DGKB: variants seen among roughly 807,000 people sequenced by gnomAD.
DGKB encodes diacylglycerol kinase beta.
A neutral mutation model predicts 114.3 loss-of-function variants in DGKB; 67 were observed. The observed-to-expected ratio is 0.59, with a 90% CI of 0.48 to 0.72. DGKB has a LOEUF of 0.72. DGKB is among the 30% of genes least tolerant of loss of function. The pLI is 0.00. For synonymous variants in DGKB, 398 were observed against 323.1 expected (o/e 1.23, Z -2.49); for missense variants, 907 against 975.2 (o/e 0.93, Z 0.93).
At chr7:14,757,631 G>A in intron 3 of DGKB, 24 bp downstream of exon 3, 2 of 1,378,544 alleles carry the variant, frequency 1.5e-6, no homozygotes, top group Non-Finnish European at 2.0e-6. Context: ...ATACGAAACT[G>A]ATATAAAGAA....
intron 15 of DGKB, among the ~76,000 whole-genome samples, chr7:14,619,132 T>C (rs777559007): frequency 2.0e-5 from 3 of 151,564 alleles, no homozygotes; most frequent in African/African-American, 4.8e-5. Flanking sequence ...TGCACATGAT[T>C]ATATACCAAC....
chr7:14,825,829 C>T (rs1310559302), intron 2 of DGKB, among the ~76,000 whole-genome samples: 1 of 152,098 alleles, frequency 6.6e-6, no homozygotes, highest in African/African-American at 2.4e-5. Context: ...ACTCTCTATG[C>T]AAAACAAAAC....
intron 6 of DGKB, among the ~76,000 whole-genome samples, chr7:14,707,371 C>A (rs1459192957): frequency 6.7e-6 from 1 of 148,882 alleles, no homozygotes; most frequent in Admixed American, 6.7e-5. Flanking sequence ...GATTCACAGC[C>A]GAATTCTACC....
intron 13 of DGKB, among the ~76,000 whole-genome samples, chr7:14,662,451 A>G (rs1357858): frequency 0.83 from 126,001 of 151,936 alleles, 52,363 homozygotes; most frequent in East Asian, 0.89. Flanking sequence ...TTTGTAGGAC[A>G]AAATAACACA....
At chr7:14,265,361 T>C (rs984506712) in intron 23 of DGKB, among the ~76,000 whole-genome samples, 1 of 143,074 alleles carries the variant, frequency 7.0e-6, no homozygotes, top group Non-Finnish European at 1.5e-5. Context: ...CATTCAGATA[T>C]TACCCATCTT....
chr7:14,231,090 T>TCTTC (rs1554297119), intron 23 of DGKB, among the ~76,000 whole-genome samples: 1 of 59,106 alleles, frequency 1.7e-5, no homozygotes, highest in African/African-American at 7.2e-5. Flanking sequence ...TCCCTTTCTT[T>TCTTC]CTTTCTTTCT....
At chr7:14,782,638 A>G (rs773092675) in intron 2 of DGKB, among the ~76,000 whole-genome samples, 2 of 152,172 alleles carry the variant, frequency 1.3e-5, no homozygotes, top group Non-Finnish European at 2.9e-5. Flanking sequence ...ATAGAGAATT[A>G]CAGGTGATGA....
At position 14,650,744 on chromosome 7, in the gene DGKB, C is replaced by T. The variant is rs796851086; in HGVS notation, c.1135-20476G>A. ...GAAAGGATCAACAAAATTGATAGAC[C>T]GCTAGCAAGACTAATAAAGAAAAAA... On this transcript the variant is annotated intron_variant, in intron 13 of 25. Coordinates refer to ENST00000402815, the MANE Select transcript of DGKB (RefSeq NM_001350709.2). 1.4e-3 allele frequency among the ~76,000 whole-genome samples: 177 copies of T among 130,018 alleles called. 1 individual carries two copies. The highest frequency in any genetic ancestry group is 2.7e-3 in the South Asian group (11 of 4,012). The allele number at this position is 130,018 out of a possible 152,430, so 85.3% of individuals were successfully genotyped here. A position where few individuals can be genotyped will look rare whatever the true frequency, so the allele number is the denominator to read the frequency against.
At chr7:14,870,083 G>T (rs1467165580) in intron 1 of DGKB, among the ~76,000 whole-genome samples, 1 of 152,038 alleles carries the variant, frequency 6.6e-6, no homozygotes, top group African/African-American at 2.4e-5. Context: ...TCCCTGAGTG[G>T]TCTTATTCAC....
intron 23 of DGKB, among the ~76,000 whole-genome samples, chr7:14,244,230 C>T (rs751966849): frequency 6.6e-6 from 1 of 152,118 alleles, no homozygotes; most frequent in Non-Finnish European, 1.5e-5. Context: ...ATTAAACCAC[C>T]GTTGCTCTTG....
intron 17 of DGKB, among the ~76,000 whole-genome samples, chr7:14,587,070 T>C (rs1314040672): frequency 6.6e-6 from 1 of 152,128 alleles, no homozygotes; most frequent in Non-Finnish European, 1.5e-5. Context: ...CAGACAGTGA[T>C]TCATTTTGGG....
chr7:14,399,343 C>A (rs1176869765), intron 21 of DGKB, among the ~76,000 whole-genome samples: 3 of 151,644 alleles, frequency 2.0e-5, no homozygotes, highest in Non-Finnish European at 4.4e-5. Context: ...AAATAACTTA[C>A]CATATTTGAG....
At chr7:14,683,685 T>G (rs950883944) in intron 10 of DGKB, among the ~76,000 whole-genome samples, 3 of 151,852 alleles carry the variant, frequency 2.0e-5, no homozygotes, top group Non-Finnish European at 4.4e-5. Flanking sequence ...TATAGCCTCC[T>G]CAATAAAAAC....
At position 14,781,323 on chromosome 7, in the gene DGKB, C is replaced by T. The variant is rs75343271; in HGVS notation, c.71-23592G>A. ...ATTCAGTATTCACATTCTGGGTCCT[C>T]CATAAGTACACTTTGATTTTCAATT... On this transcript the variant is annotated intron_variant, in intron 2 of 25. Transcript: ENST00000402815. 6.1e-3 allele frequency among the ~76,000 whole-genome samples: 926 copies of T among 152,280 alleles called. 7 individuals are homozygous for T. Among genetic ancestry groups the T allele is most frequent in the African/African-American group, 0.021 (888 of 41,552 alleles).
chr7:14,882,215 T>C (rs1042973882), intron 1 of DGKB, among the ~76,000 whole-genome samples: 1 of 151,752 alleles, frequency 6.6e-6, no homozygotes, highest in Non-Finnish European at 1.5e-5. Flanking sequence ...AAATCGAGGA[T>C]AAGAGAAAAA....
intron 23 of DGKB, among the ~76,000 whole-genome samples, chr7:14,245,366 C>A (rs1329682433): frequency 6.6e-6 from 1 of 152,038 alleles, no homozygotes; most frequent in Non-Finnish European, 1.5e-5. Context: ...ATACAGAAAG[C>A]ATTTTTAATT....
chr7:14,874,537 C>T (rs1852966171), intron 1 of DGKB, among the ~76,000 whole-genome samples: 1 of 151,812 alleles, frequency 6.6e-6, no homozygotes, highest in Admixed American at 6.6e-5. Context: ...TTTTACAAAG[C>T]ACATATCATA....
chr7:14,329,959 T>C (rs916051036), intron 23 of DGKB, among the ~76,000 whole-genome samples: 8 of 152,012 alleles, frequency 5.3e-5, no homozygotes, highest in African/African-American at 1.7e-4. Flanking sequence ...CTATTTTCAA[T>C]AGACAGAGGA....
At chr7:14,434,532 T>C (rs1430329298) in intron 21 of DGKB, among the ~76,000 whole-genome samples, 1 of 152,140 alleles carries the variant, frequency 6.6e-6, no homozygotes. Flanking sequence ...GGAGCCATGC[T>C]GGAAAACATA....
Sources: gnomAD v4.1 joint callset for allele counts (sites outside exome capture counted in the v4.1 genomes callset) on GRCh38, gnomAD v4.1.1 for gene constraint, MANE v1.5 for transcripts, NCBI Gene and HGNC (gene_info 2026-07-23, HGNC 2026-07-21) for gene names.